The following GSG1L variants were observed in gnomAD, a reference collection of about 807,000 sequenced individuals.
GSG1L encodes germ cell-specific gene 1-like protein.
Under a neutral mutation model 42.1 loss-of-function variants are expected in GSG1L, and 24 were observed. The observed-to-expected ratio is 0.57, with a 90% CI of 0.41 to 0.80. The LOEUF (loss-of-function observed/expected upper bound fraction) is 0.80, where lower values mean the gene tolerates loss of function less well. Among genes scored for constraint, GSG1L ranks in the 30% least tolerant of loss-of-function variants. The pLI is 0.00. For missense variants in GSG1L, 445 were observed against 472.2 expected (o/e 0.94, Z 0.53); for synonymous variants, 215 against 203.5 (o/e 1.06, Z -0.48).
intron 3 of GSG1L, among the ~76,000 whole-genome samples, chr16:27,869,851 CTCTCTCTGTCTCTGTCTCCCTCCA>C (rs1567496442): frequency 5.6e-5 from 8 of 143,122 alleles, no homozygotes; most frequent in African/African-American, 1.3e-4. Context: ...CTCTCTCCAT[CTCTCTCTGTCTCTGTCTCCCTCCA>C]TCTCTCTGTC....
chr16:28,055,789 T>C (rs1044785216), intron 1 of GSG1L, among the ~76,000 whole-genome samples: 1 of 152,172 alleles, frequency 6.6e-6, no homozygotes, highest in Non-Finnish European at 1.5e-5. Flanking sequence ...TTTATTCTTA[T>C]CTGGGGTCGA....
At chr16:27,941,671 T>C (rs1225386764) in intron 2 of GSG1L, among the ~76,000 whole-genome samples, 1 of 72,556 alleles carries the variant, frequency 1.4e-5, no homozygotes, top group Non-Finnish European at 3.0e-5. Flanking sequence ...TGTTAGTGTA[T>C]CTTCACAACA....
intron 1 of GSG1L, among the ~76,000 whole-genome samples, chr16:27,997,309 C>CATT (rs2085526559): frequency 4.2e-5 from 3 of 70,594 alleles, no homozygotes; most frequent in East Asian, 6.5e-4. Context: ...GTGTTCTCCA[C>CATT]TTTTTTTTTT....
In GSG1L at chr16:28,054,127, G is replaced by A. The variant is rs574921754; in HGVS notation, c.349+8949C>T. Among the ~76,000 whole-genome samples the A allele has an allele frequency of 2.3e-4, 35 of 151,974 alleles. No individual in the cohort carries two copies. The East Asian group carries it at 6.0e-3, about 26-fold the overall frequency. On this transcript the variant is annotated intron_variant, in intron 1 of 6. Transcript: ENST00000447459. ...TGCCCTCCTCCTCCCCTCCTCCCCCGTGGCTATCTCTGATGCACACTCTGG... is the reference window on the plus strand; with the variant it reads ...TGCCCTCCTCCTCCCCTCCTCCCCCATGGCTATCTCTGATGCACACTCTGG...
intron 3 of GSG1L, among the ~76,000 whole-genome samples, chr16:27,872,395 C>T (rs556781918): frequency 1.3e-5 from 2 of 152,300 alleles, no homozygotes; most frequent in Non-Finnish European, 2.9e-5. Context: ...AAGCCAAAAT[C>T]GCCACTTACT....
chr16:27,933,942 C>T lies in GSG1L; in HGVS notation c.397+29214G>A, dbSNP rs185639553. 3.1e-3 allele frequency among the ~76,000 whole-genome samples: 479 copies of T among 152,310 alleles called. 3 individuals carry two copies. The highest frequency in any genetic ancestry group is 0.011 in the African/African-American group (459 of 41,564). ...CTATTTTGAACCCTGCCACCCTCCA[C>T]GGGGAGGATGAAGGGCTTGGAGTTG... On this transcript the variant is annotated intron_variant, in intron 2 of 6. Coordinates refer to ENST00000447459, the MANE Select transcript of GSG1L (RefSeq NM_001109763.2).
intron 1 of GSG1L, among the ~76,000 whole-genome samples, chr16:27,977,509 A>G (rs530300150): frequency 1.7e-4 from 25 of 146,618 alleles, no homozygotes; most frequent in Non-Finnish European, 3.4e-4. Flanking sequence ...GCAGTGAGCC[A>G]AGATCGTGCC....
At chr16:27,979,796 G>GAAAAA (rs1567543126) in intron 1 of GSG1L, among the ~76,000 whole-genome samples, 13 of 120,140 alleles carry the variant, frequency 1.1e-4, no homozygotes, top group African/African-American at 3.6e-4. Flanking sequence ...AAGAAAGAAA[G>GAAAAA]GAAAGAAAGA....
chr16:27,995,405 T>A (rs1259775342), intron 1 of GSG1L, among the ~76,000 whole-genome samples: 2 of 152,092 alleles, frequency 1.3e-5, no homozygotes, highest in African/African-American at 4.8e-5. Flanking sequence ...TGTAAACGCA[T>A]AACCAAAATG....
At chr16:27,852,597 G>C (rs2083527836) in intron 3 of GSG1L, among the ~76,000 whole-genome samples, 1 of 152,134 alleles carries the variant, frequency 6.6e-6, no homozygotes, top group Non-Finnish European at 1.5e-5. Context: ...CAGGCAAAGT[G>C]GTTTGGTGTG....
chr16:28,056,012 T>C (rs1157462260), intron 1 of GSG1L, among the ~76,000 whole-genome samples: 1 of 151,574 alleles, frequency 6.6e-6, no homozygotes, highest in Non-Finnish European at 1.5e-5. Context: ...AAGAAGAACA[T>C]CTGACAAGTC....
Position 27,791,256 on chromosome 16 carries a change from T to A in GSG1L, c.*114A>T. 3.2e-6 allele frequency: 2 copies of A among 619,732 alleles called. No homozygotes were observed. The highest frequency in any genetic ancestry group is 3.2e-5 in the East Asian group (1 of 30,964). 38.4% of individuals were successfully genotyped at this position (619,732 alleles called of 1,614,324 possible). On this transcript the variant is annotated 3_prime_UTR_variant, in exon 7 of 7. Transcript: ENST00000447459. ...CAGGCCTGGCATCTCCCACGCAGGCTGACTGAGTTCACGGCACACAGGCCA... is the reference window on the plus strand; with the variant it reads ...CAGGCCTGGCATCTCCCACGCAGGCAGACTGAGTTCACGGCACACAGGCCA...
chr16:27,934,577 A>G (rs1169359160), intron 2 of GSG1L, among the ~76,000 whole-genome samples: 1 of 152,114 alleles, frequency 6.6e-6, no homozygotes, highest in East Asian at 1.9e-4. Flanking sequence ...AAAGTGAGCT[A>G]TGAATTTCAT....
chr16:27,967,508 G>A (rs1175825680), intron 1 of GSG1L, among the ~76,000 whole-genome samples: 13 of 152,192 alleles, frequency 8.5e-5, no homozygotes, highest in Admixed American at 8.5e-4. Flanking sequence ...TACAGACAAA[G>A]ACGATAAGGC....
chr16:27,857,181 C>T lies in GSG1L; in HGVS notation c.551-12120G>A, dbSNP rs2083589702. ...GTGGCTGATGCCTGTAATCCCAGCA[C>T]TTTGGGAAGCCAAGGTGGGCAGATT... On this transcript the variant is annotated intron_variant, in intron 3 of 6. Transcript: ENST00000447459. Among the ~76,000 whole-genome samples the T allele has an allele frequency of 2.0e-5, 3 of 152,098 alleles. 1 individual carries two copies. The highest frequency in any genetic ancestry group is 2.0e-4 in the Admixed American group (3 of 15,278).
intron 1 of GSG1L, among the ~76,000 whole-genome samples, chr16:28,024,190 G>A (rs2085876121): frequency 6.6e-6 from 1 of 152,174 alleles, no homozygotes; most frequent in African/African-American, 2.4e-5. Flanking sequence ...CAATGGGGCT[G>A]AGGGCAACTC....
chr16:27,854,508 T>C lies in GSG1L; in HGVS notation c.551-9447A>G, dbSNP rs549039113. 2.0e-4 allele frequency among the ~76,000 whole-genome samples: 31 copies of C among 152,242 alleles called. No individual in the cohort carries two copies. The East Asian group carries it at 4.1e-3, about 20-fold the overall frequency. On this transcript the variant is annotated intron_variant, in intron 3 of 6. Coordinates refer to ENST00000447459, the MANE Select transcript of GSG1L (RefSeq NM_001109763.2). Reference sequence around the variant, plus strand: ...CCCTGGGAGCCACAGGGAGGTGAAGTTGGCACTCACAAATGGTCCTTTCCC... The same window carrying C: ...CCCTGGGAGCCACAGGGAGGTGAAGCTGGCACTCACAAATGGTCCTTTCCC...
chr16:27,800,187 T>C (rs1361930860), intron 6 of GSG1L, among the ~76,000 whole-genome samples: 2 of 152,200 alleles, frequency 1.3e-5, no homozygotes, highest in Admixed American at 1.3e-4. Context: ...AGAAATACTG[T>C]CTGTTTCCAT....
intron 1 of GSG1L, among the ~76,000 whole-genome samples, chr16:28,022,605 G>A (rs907321806): frequency 6.6e-5 from 10 of 152,060 alleles, no homozygotes; most frequent in Admixed American, 2.6e-4. Context: ...CTCCCAAGCT[G>A]GGAATACAGG....
Sources: allele counts gnomAD v4.1 joint callset (sites outside exome capture counted in the v4.1 genomes callset), GRCh38; gene constraint gnomAD v4.1.1; transcripts MANE v1.5; gene names NCBI Gene and HGNC (gene_info 2026-07-23, HGNC 2026-07-21).